Variants in PCED1B observed in about 807,000 individuals in gnomAD.
PCED1B encodes PC-esterase domain-containing protein 1B.
For missense variants in PCED1B, 573 were observed against 573.9 expected, an observed-to-expected ratio of 1.00 and a Z score of 0.02; for synonymous variants, 251 against 246.1, an observed-to-expected ratio of 1.02 and a Z score of -0.19.
Position 47,184,305 on chromosome 12 carries a change from T to G in PCED1B, c.-525-31917T>G, listed in dbSNP as rs191783968. On this transcript the variant is annotated intron_variant, in intron 2 of 3. Coordinates refer to ENST00000546455, the MANE Select transcript of PCED1B (RefSeq NM_138371.3). ...AAGAGGCAGGCTGGAGACAGTGGTGTGCTGGTAAACGACCAGCTGGGGAAG... is the reference window on the plus strand; with the variant it reads ...AAGAGGCAGGCTGGAGACAGTGGTGGGCTGGTAAACGACCAGCTGGGGAAG... Among the ~76,000 whole-genome samples, 39 of 152,340 alleles carry G rather than the reference T, an allele frequency of 2.6e-4. No homozygotes were observed. The East Asian group carries it at 5.2e-3, about 20-fold the overall frequency.
chr12:47,220,631 G>C (rs1362328731), intron 3 of PCED1B, among the ~76,000 whole-genome samples: 1 of 152,240 alleles, frequency 6.6e-6, no homozygotes, highest in Non-Finnish European at 1.5e-5. Flanking sequence ...CAGGCACTGG[G>C]CCCTGAGGGG....
intron 2 of PCED1B, among the ~76,000 whole-genome samples, chr12:47,194,910 T>G (rs1014299720): frequency 6.6e-6 from 1 of 152,234 alleles, no homozygotes; most frequent in African/African-American, 2.4e-5. Context: ...GTTATTATCT[T>G]CATTTTGAGT....
intron 2 of PCED1B, among the ~76,000 whole-genome samples, chr12:47,205,490 T>C (rs947832264): frequency 2.6e-5 from 4 of 152,190 alleles, no homozygotes; most frequent in African/African-American, 9.7e-5. Context: ...TGGTTTGTTT[T>C]GGCAAAGGGC....
At chr12:47,127,165 C>A (rs1213190909) in intron 2 of PCED1B, among the ~76,000 whole-genome samples, 5 of 152,082 alleles carry the variant, frequency 3.3e-5, no homozygotes, top group Admixed American at 1.3e-4. Context: ...CCTTTATGAA[C>A]TGCATCAGCT....
chr12:47,124,188 C>T (rs12828888), intron 2 of PCED1B, among the ~76,000 whole-genome samples: 6,119 of 152,018 alleles, frequency 0.04, 196 homozygotes, highest in Non-Finnish European at 0.06. Flanking sequence ...TGCTTTTCAC[C>T]CTCATCTCTA....
chr12:47,144,885 T>C (rs1940728407), intron 2 of PCED1B, among the ~76,000 whole-genome samples: 1 of 152,212 alleles, frequency 6.6e-6, no homozygotes, highest in African/African-American at 2.4e-5. Flanking sequence ...TTAGGTCAAT[T>C]AATAATTCTA....
intron 3 of PCED1B, among the ~76,000 whole-genome samples, chr12:47,232,482 A>T (rs909184573): frequency 6.6e-6 from 1 of 152,246 alleles, no homozygotes; most frequent in African/African-American, 2.4e-5. Flanking sequence ...ATTTAATAAT[A>T]GCTATCCACC....
chr12:47,109,139 A>T (rs1488918669), intron 2 of PCED1B, among the ~76,000 whole-genome samples: 1 of 152,200 alleles, frequency 6.6e-6, no homozygotes, highest in Non-Finnish European at 1.5e-5. Context: ...CTTTCCAAAG[A>T]ACAGAATTGG....
chr12:47,167,686 T>A (rs1485252950), intron 2 of PCED1B, among the ~76,000 whole-genome samples: 1 of 152,164 alleles, frequency 6.6e-6, no homozygotes, highest in African/African-American at 2.4e-5. Context: ...AACCATGGAA[T>A]CGATCGAATT....
At chr12:47,149,286 C>T (rs1376938666) in intron 2 of PCED1B, among the ~76,000 whole-genome samples, 2 of 152,174 alleles carry the variant, frequency 1.3e-5, no homozygotes, top group Non-Finnish European at 2.9e-5. Flanking sequence ...AGAGTTATCC[C>T]CGCTTCATTG....
chr12:47,183,562 C>G (rs1942161326), intron 2 of PCED1B, among the ~76,000 whole-genome samples: 1 of 152,062 alleles, frequency 6.6e-6, no homozygotes, highest in Non-Finnish European at 1.5e-5. Flanking sequence ...CCAGCACTTC[C>G]CAAATATACT....
chr12:47,136,242 C>G (rs1237355764), intron 2 of PCED1B, among the ~76,000 whole-genome samples: 1 of 152,090 alleles, frequency 6.6e-6, no homozygotes, highest in Non-Finnish European at 1.5e-5. Context: ...GATTTGCTCA[C>G]CTTTCAATTC....
chr12:47,193,361 G>T (rs1247217491), intron 2 of PCED1B, among the ~76,000 whole-genome samples: 1 of 152,058 alleles, frequency 6.6e-6, no homozygotes. Context: ...AGAAACCAGG[G>T]AACCATTCTT....
At chr12:47,195,585 G>A (rs1942580484) in intron 2 of PCED1B, among the ~76,000 whole-genome samples, 3 of 152,142 alleles carry the variant, frequency 2.0e-5, no homozygotes, top group Admixed American at 6.5e-5. Context: ...GAGTAGAGGA[G>A]GGATGGGTGT....
At chr12:47,102,629 C>T (rs1194635712) in intron 1 of PCED1B, among the ~76,000 whole-genome samples, 1 of 152,134 alleles carries the variant, frequency 6.6e-6, no homozygotes, top group Non-Finnish European at 1.5e-5. Flanking sequence ...AAAGAGCCTT[C>T]CTTGGGTTTG....
At chr12:47,179,632 C>G (rs994256988) in intron 2 of PCED1B, among the ~76,000 whole-genome samples, 1 of 152,182 alleles carries the variant, frequency 6.6e-6, no homozygotes, top group Non-Finnish European at 1.5e-5. Flanking sequence ...ACAGACCTCA[C>G]GATGCCTCTG....
intron 2 of PCED1B, among the ~76,000 whole-genome samples, chr12:47,142,470 C>A (rs184812527): frequency 6.6e-6 from 1 of 152,138 alleles, no homozygotes; most frequent in East Asian, 1.9e-4. Flanking sequence ...CAGTAACCAA[C>A]CCCCAAGAAT....
At chr12:47,175,257 G>A (rs968322528) in intron 2 of PCED1B, among the ~76,000 whole-genome samples, 10 of 152,108 alleles carry the variant, frequency 6.6e-5, no homozygotes, top group African/African-American at 2.4e-4. Context: ...GATGCAAAGT[G>A]CAAAAGTGCT....
intron 2 of PCED1B, among the ~76,000 whole-genome samples, chr12:47,171,037 T>C (rs1477886156): frequency 6.6e-6 from 1 of 151,746 alleles, no homozygotes; most frequent in African/African-American, 2.4e-5. Context: ...TGAATACCTT[T>C]ACTTCTCCAT....
Sources: gnomAD v4.1 joint callset for allele counts (sites outside exome capture counted in the v4.1 genomes callset) on GRCh38, gnomAD v4.1.1 for gene constraint, MANE v1.5 for transcripts, NCBI Gene and HGNC (gene_info 2026-07-23, HGNC 2026-07-21) for gene names.